The following CPD variants were observed in gnomAD, a reference collection of about 807,000 sequenced individuals.
CPD encodes the protein metallocarboxypeptidase D.
Under a neutral mutation model 138.3 loss-of-function variants are expected in CPD, and 69 were observed. The observed-to-expected ratio is 0.50, with a 90% CI of 0.41 to 0.61. The LOEUF is 0.61. Among genes scored for constraint, CPD ranks in the 20% least tolerant of loss-of-function variants. The pLI is 0.00. For missense variants in CPD, 1,432 were observed against 1,733.3 expected, an observed-to-expected ratio of 0.83 and a Z score of 3.09; for synonymous variants, 651 against 642.1, an observed-to-expected ratio of 1.01 and a Z score of -0.21.
intron 8 of CPD, among the ~76,000 whole-genome samples, chr17:30,436,802 A>G (rs1421334984): frequency 6.6e-6 from 1 of 152,242 alleles, no homozygotes; most frequent in African/African-American, 2.4e-5. Context: ...GTATTCACAC[A>G]AAAACTTGTA....
At chr17:30,437,361 C>T (rs1912729566) in intron 8 of CPD, among the ~76,000 whole-genome samples, 1 of 151,872 alleles carries the variant, frequency 6.6e-6, no homozygotes, top group Admixed American at 6.6e-5. Context: ...ATTCTGTATT[C>T]GTATATAAGT....
intron 2 of CPD, 162 bp downstream of exon 2, chr17:30,385,398 TGAA>T: frequency 1.3e-6 from 1 of 783,092 alleles, no homozygotes; most frequent in Non-Finnish European, 1.9e-6. Flanking sequence ...AAGGACTACA[TGAA>T]GACCTATCTG....
intron 6 of CPD, among the ~76,000 whole-genome samples, chr17:30,426,094 GGAGGCT>G: frequency 6.6e-6 from 1 of 152,004 alleles, no homozygotes; most frequent in Non-Finnish European, 1.5e-5. Context: ...CAGCTACTCG[GGAGGCT>G]GAGGCAGGAG....
intron 8 of CPD, among the ~76,000 whole-genome samples, chr17:30,436,625 T>C (rs1912709393): frequency 6.6e-6 from 1 of 152,186 alleles, no homozygotes; most frequent in Non-Finnish European, 1.5e-5. Flanking sequence ...AAAATATGCA[T>C]AGGCAAAGGT....
chr17:30,400,824 ATTT>A (rs778290874), intron 2 of CPD, among the ~76,000 whole-genome samples: 2 of 125,784 alleles, frequency 1.6e-5, no homozygotes, highest in Non-Finnish European at 1.7e-5. Context: ...CGCCCGGTTA[ATTT>A]TTTTTTTTTT....
chr17:30,421,464 G>A (rs1048808165), intron 3 of CPD, among the ~76,000 whole-genome samples, 200 bp from the exon 4 acceptor site: 1 of 152,164 alleles, frequency 6.6e-6, no homozygotes, highest in Non-Finnish European at 1.5e-5. Flanking sequence ...TACTAGTGTC[G>A]AGTTCAGACA....
At chr17:30,430,341 A>G (rs1055705815) in intron 7 of CPD, among the ~76,000 whole-genome samples, 2 of 152,014 alleles carry the variant, frequency 1.3e-5, no homozygotes, top group Non-Finnish European at 2.9e-5. Context: ...TTCTGTCTCT[A>G]GGGATTTACC....
chr17:30,433,596 A>G (rs1404366577), intron 8 of CPD, among the ~76,000 whole-genome samples: 1 of 152,164 alleles, frequency 6.6e-6, no homozygotes, highest in African/African-American at 2.4e-5. Context: ...GAGTGGTCAC[A>G]CTGTCACGGC....
chr17:30,446,103 A>G lies in CPD; in HGVS notation c.2873+83A>G, dbSNP rs575965292. On this transcript the variant is annotated intron_variant, in intron 12 of 20. Coordinates refer to ENST00000225719, the MANE Select transcript of CPD (RefSeq NM_001304.5). ...GCCATGTTGAATAGTTGTAATTTATATAGAAATATTTGGGAACAGAATGTA... is the reference window on the plus strand; with the variant it reads ...GCCATGTTGAATAGTTGTAATTTATGTAGAAATATTTGGGAACAGAATGTA... The G allele has an allele frequency of 8.1e-6, 8 of 985,258 alleles. No homozygotes were observed. The East Asian group carries it at 1.8e-4, about 22-fold the overall frequency. The allele number at this position is 985,258 out of a possible 1,614,324, so 61.0% of individuals were successfully genotyped here.
intron 2 of CPD, among the ~76,000 whole-genome samples, chr17:30,394,327 G>A (rs1370537062): frequency 6.6e-6 from 1 of 151,986 alleles, no homozygotes; most frequent in Admixed American, 6.5e-5. Flanking sequence ...CTTCCCAAAT[G>A]TGAACCTTCA....
At chr17:30,392,562 T>G (rs1451137719) in intron 2 of CPD, among the ~76,000 whole-genome samples, 5 of 152,242 alleles carry the variant, frequency 3.3e-5, no homozygotes, top group Non-Finnish European at 7.3e-5. Context: ...ATTATTTCTT[T>G]TAGTTTGTTC....
At chr17:30,446,313 T>C (rs1317687586) in intron 12 of CPD, among the ~76,000 whole-genome samples, 2 of 152,202 alleles carry the variant, frequency 1.3e-5, no homozygotes, top group African/African-American at 4.8e-5. Flanking sequence ...CTCCTAATGC[T>C]ATCCCTCCCC....
intron 2 of CPD, among the ~76,000 whole-genome samples, chr17:30,396,785 G>A (rs921162638): frequency 7.2e-5 from 11 of 152,168 alleles, no homozygotes; most frequent in Middle Eastern, 3.4e-3. Context: ...TAAATGAATG[G>A]TAGGTTTCTT....
intron 7 of CPD, among the ~76,000 whole-genome samples, chr17:30,430,424 T>TA (rs1469491133): frequency 6.6e-6 from 1 of 152,192 alleles, no homozygotes; most frequent in African/African-American, 2.4e-5. Flanking sequence ...TCATTTAGCA[T>TA]AGTGTTTTCA....
intron 2 of CPD, among the ~76,000 whole-genome samples, chr17:30,395,212 T>C (rs1911469201): frequency 6.6e-6 from 1 of 151,472 alleles, no homozygotes; most frequent in South Asian, 2.1e-4. Context: ...TTTTTTTTTT[T>C]TTTTTACCTC....
intron 1 of CPD, among the ~76,000 whole-genome samples, chr17:30,383,294 A>G (rs1466497901): frequency 1.3e-5 from 2 of 152,284 alleles, no homozygotes; most frequent in African/African-American, 4.8e-5. Context: ...ATTATGTTTC[A>G]TGTGTGTTAT....
At chr17:30,434,232 A>G (rs1441676688) in intron 8 of CPD, among the ~76,000 whole-genome samples, 1 of 152,198 alleles carries the variant, frequency 6.6e-6, no homozygotes, top group Non-Finnish European at 1.5e-5. Context: ...ACCAAATTTT[A>G]CACAAAACCA....
chr17:30,421,758 T>C lies in CPD; in HGVS notation c.1232T>C (p.Ile411Thr), dbSNP rs544645153. 5 of 1,613,300 alleles carry C rather than the reference T, an allele frequency of 3.1e-6. No homozygotes were observed. Among genetic ancestry groups the C allele is most frequent in the East Asian group, 4.5e-5 (2 of 44,854 alleles). Residue 411 changes from isoleucine (I) to threonine (T), a missense_variant, in exon 4 of 21, where the codon ATC becomes ACC. Around this residue, in one of 6 missense-constraint regions of CPD, gnomAD observed 160 missense variants for 197.9 expected, o/e 0.81. Transcript: ENST00000225719. ...TISVAGINHN[I>T]TTGRFGDFYR... ...TCAGTGGCTGGTATTAATCATAATA[T>C]CACAACAGGCAGATTTGGTGATTTC...
At chr17:30,380,770 A>G (rs1374784396) in intron 1 of CPD, 2 of 605,438 alleles carry the variant, frequency 3.3e-6, no homozygotes, top group African/African-American at 3.8e-5. Context: ...GATGGGCAGG[A>G]TTTTCAGCAA....
Sources: allele counts gnomAD v4.1 joint callset (sites outside exome capture counted in the v4.1 genomes callset), GRCh38; gene constraint gnomAD v4.1.1; regional missense constraint gnomAD v4.1.1; transcripts MANE v1.5; gene names NCBI Gene and HGNC (gene_info 2026-07-23, HGNC 2026-07-21).